Variants in PRKG1 observed in about 807,000 individuals in gnomAD.
PRKG1 encodes cGMP-dependent protein kinase 1.
Under a neutral mutation model 88.1 loss-of-function variants are expected in PRKG1, and 35 were observed. The observed-to-expected ratio is 0.40, with a 90% confidence interval of 0.30 to 0.53. PRKG1 has a LOEUF of 0.53. Ranked by LOEUF, PRKG1 falls within the 20% of genes least tolerant of loss-of-function variation. The pLI is 0.59. For synonymous variants in PRKG1, 303 were observed against 292.5 expected, an observed-to-expected ratio of 1.04 and a Z score of -0.37; for missense variants, 540 against 839.8, an observed-to-expected ratio of 0.64 and a Z score of 4.41.
intron 3 of PRKG1, among the ~76,000 whole-genome samples, chr10:51,558,408 G>T (rs566137839): frequency 2.6e-5 from 4 of 151,836 alleles, no homozygotes; most frequent in Non-Finnish European, 5.9e-5. Context: ...GACCATACTT[G>T]GTTAAAAAAA....
At chr10:51,875,954 T>C (rs1841289105) in intron 4 of PRKG1, among the ~76,000 whole-genome samples, 1 of 147,592 alleles carries the variant, frequency 6.8e-6, no homozygotes. Context: ...CTTTCTTTCT[T>C]TTTTTTTTTT....
At chr10:52,250,503 T>A (rs2132398815) in intron 9 of PRKG1, among the ~76,000 whole-genome samples, 1 of 152,332 alleles carries the variant, frequency 6.6e-6, no homozygotes, top group Non-Finnish European at 1.5e-5. Context: ...GCTGATTCTA[T>A]GCAAAAGTAT....
chr10:51,627,162 A>T (rs1839359904), intron 3 of PRKG1, among the ~76,000 whole-genome samples: 2 of 152,198 alleles, frequency 1.3e-5, no homozygotes, highest in Admixed American at 1.3e-4. Flanking sequence ...GAAGAAATAA[A>T]TCAGTTGGAG....
intron 1 of PRKG1, among the ~76,000 whole-genome samples, chr10:51,009,708 AT>A (rs1365047960): frequency 6.6e-6 from 1 of 152,204 alleles, no homozygotes; most frequent in Non-Finnish European, 1.5e-5. Flanking sequence ...TTCTGGGTCT[AT>A]TTAATTCAGA....
chr10:52,133,396 A>G (rs1024819214), intron 7 of PRKG1, among the ~76,000 whole-genome samples: 7 of 152,148 alleles, frequency 4.6e-5, no homozygotes, highest in Non-Finnish European at 1.0e-4. Context: ...TAAAGTAAGG[A>G]AATAATTTAA....
At chr10:51,442,425 C>T (rs1839142469) in intron 2 of PRKG1, among the ~76,000 whole-genome samples, 1 of 151,912 alleles carries the variant, frequency 6.6e-6, no homozygotes, top group Admixed American at 6.6e-5. Flanking sequence ...TGACTCTATC[C>T]TACCTCCCTC....
rs146261058 is a variant in PRKG1 at position 51,649,986 on chromosome 10, C to G, written c.593-154599C>G. 5.9e-5 allele frequency among the ~76,000 whole-genome samples: 9 copies of G among 152,294 alleles called. No homozygotes were observed. In the East Asian group the frequency reaches 1.5e-3, roughly 26 times the overall value. On this transcript the variant is annotated intron_variant, in intron 3 of 17. Coordinates refer to ENST00000373980, the MANE Select transcript of PRKG1 (RefSeq NM_006258.4). ...TTTAGTGAAGAGTCCTGTGAGACTA[C>G]GTAGGTCTCTTGCCTATGGTGCCGG...
At chr10:51,878,168 C>A (rs1841346026) in intron 4 of PRKG1, among the ~76,000 whole-genome samples, 1 of 151,728 alleles carries the variant, frequency 6.6e-6, no homozygotes, top group African/African-American at 2.4e-5. Context: ...TAATAAATAA[C>A]ATATATAATT....
At chr10:51,020,104 A>C (rs1463288261) in intron 1 of PRKG1, among the ~76,000 whole-genome samples, 3 of 152,248 alleles carry the variant, frequency 2.0e-5, no homozygotes, top group African/African-American at 2.4e-5. Flanking sequence ...TTCTCAAAAA[A>C]TTAAAAATAG....
chr10:51,893,956 T>C (rs777452730), intron 4 of PRKG1, among the ~76,000 whole-genome samples: 3 of 152,106 alleles, frequency 2.0e-5, no homozygotes, highest in Non-Finnish European at 2.9e-5. Context: ...TACCAACAGA[T>C]GGTTACAATA....
intron 1 of PRKG1, among the ~76,000 whole-genome samples, chr10:51,005,840 G>A (rs1205793482): frequency 2.6e-5 from 4 of 152,150 alleles, no homozygotes; most frequent in Non-Finnish European, 5.9e-5. Context: ...TTTCCAGGCT[G>A]GGTGCCTTAT....
At chr10:51,378,370 T>C (rs906828581) in intron 2 of PRKG1, among the ~76,000 whole-genome samples, 2 of 152,166 alleles carry the variant, frequency 1.3e-5, no homozygotes, top group African/African-American at 4.8e-5. Context: ...GGCAGAGAGA[T>C]TGATCTTATG....
At chr10:51,165,370 G>T (rs1420851930) in intron 2 of PRKG1, among the ~76,000 whole-genome samples, 4 of 151,820 alleles carry the variant, frequency 2.6e-5, no homozygotes, top group Non-Finnish European at 5.9e-5. Flanking sequence ...TCACCACCAG[G>T]CCTGCCCTAA....
chr10:51,610,158 GT>G (rs1322755844), intron 3 of PRKG1, among the ~76,000 whole-genome samples: 2 of 152,032 alleles, frequency 1.3e-5, no homozygotes, highest in Non-Finnish European at 2.9e-5. Flanking sequence ...CTCTCTTCTA[GT>G]TTTTTTAAAA....
chr10:51,462,713 G>A (rs768874269), intron 2 of PRKG1, among the ~76,000 whole-genome samples: 6 of 152,094 alleles, frequency 3.9e-5, no homozygotes, highest in Non-Finnish European at 5.9e-5. Flanking sequence ...GACAATGCCA[G>A]GAGCGATAAA....
At chr10:51,777,963 TA>T (rs1838484409) in intron 3 of PRKG1, among the ~76,000 whole-genome samples, 1 of 152,174 alleles carries the variant, frequency 6.6e-6, no homozygotes, top group African/African-American at 2.4e-5. Context: ...TAGTGCAGAG[TA>T]ATATTCCATT....
chr10:51,737,469 C>T (rs939614704), intron 3 of PRKG1, among the ~76,000 whole-genome samples: 11 of 152,084 alleles, frequency 7.2e-5, no homozygotes, highest in Admixed American at 5.2e-4. Flanking sequence ...AATTGAGAGA[C>T]GTTAAATGGC....
chr10:51,306,153 T>C (rs1363204015), intron 2 of PRKG1, among the ~76,000 whole-genome samples: 1 of 152,228 alleles, frequency 6.6e-6, no homozygotes, highest in East Asian at 1.9e-4. Flanking sequence ...GGATTGAAAT[T>C]AAGTTTGGTC....
At chr10:51,812,526 C>T (rs1012204181) in intron 4 of PRKG1, among the ~76,000 whole-genome samples, 1 of 152,074 alleles carries the variant, frequency 6.6e-6, no homozygotes, top group Non-Finnish European at 1.5e-5. Flanking sequence ...AGTGGTTATG[C>T]CAGGATTCAG....
Sources: gnomAD v4.1 joint callset for allele counts (sites outside exome capture counted in the v4.1 genomes callset) on GRCh38, gnomAD v4.1.1 for gene constraint, MANE v1.5 for transcripts, NCBI Gene and HGNC (gene_info 2026-07-23, HGNC 2026-07-21) for gene names.